The following KIF2A variants were observed in gnomAD, a reference collection of about 807,000 sequenced individuals.
The protein encoded by KIF2A is kinesin-like protein KIF2A.
A neutral mutation model predicts 100.2 loss-of-function variants in KIF2A; 22 were observed. The ratio of observed to expected loss-of-function variants is 0.22; its 90% CI spans 0.16 to 0.31. KIF2A has a LOEUF of 0.31. Among genes scored for constraint, KIF2A ranks in the 10% least tolerant of loss-of-function variants. KIF2A has a pLI of 1.00. For synonymous variants in KIF2A, 268 were observed against 285.9 expected (o/e 0.94, Z 0.63); for missense variants, 495 against 898.7 (o/e 0.55, Z 5.74).
intron 1 of KIF2A, among the ~76,000 whole-genome samples, chr5:62,316,047 A>G (rs1745804934): frequency 6.6e-6 from 1 of 152,206 alleles, no homozygotes; most frequent in Non-Finnish European, 1.5e-5. Flanking sequence ...CTGTTCAAGA[A>G]TACAGTGTAG....
intron 11 of KIF2A, among the ~76,000 whole-genome samples, chr5:62,362,031 CAA>C (rs1029470528): frequency 2.2e-4 from 26 of 120,800 alleles, no homozygotes; most frequent in Middle Eastern, 5.1e-3. Context: ...GACCCCATCT[CAA>C]AAAAAAAAAA....
intron 20 of KIF2A, among the ~76,000 whole-genome samples, chr5:62,383,162 C>G (rs1330375326): frequency 6.7e-6 from 1 of 150,346 alleles, no homozygotes; most frequent in Non-Finnish European, 1.5e-5. Flanking sequence ...CCTGACCTCA[C>G]GTGATGCACC....
chr5:62,310,738 T>C (rs966837430), intron 1 of KIF2A, among the ~76,000 whole-genome samples: 1 of 152,260 alleles, frequency 6.6e-6, no homozygotes, highest in Non-Finnish European at 1.5e-5. Context: ...GATAACCTGG[T>C]ATGAAATTGG....
intron 1 of KIF2A, among the ~76,000 whole-genome samples, chr5:62,337,895 A>G (rs1341691247): frequency 2.0e-5 from 3 of 152,126 alleles, no homozygotes; most frequent in African/African-American, 7.2e-5. Flanking sequence ...AATCCAGAAC[A>G]AAACAGACAA....
chr5:62,337,351 G>A (rs948063871), intron 1 of KIF2A, among the ~76,000 whole-genome samples: 18 of 152,024 alleles, frequency 1.2e-4, no homozygotes, highest in African/African-American at 4.3e-4. Context: ...AATTAGCAAG[G>A]TGTGGTGGCG....
At chr5:62,326,129 T>TA (rs369094625) in intron 1 of KIF2A, among the ~76,000 whole-genome samples, 3,571 of 151,132 alleles carry the variant, frequency 0.024, 142 homozygotes, top group African/African-American at 0.082. Context: ...AAATAAAAGT[T>TA]AAAAAAAAAT....
At chr5:62,344,674 A>G (rs1747466195) in intron 1 of KIF2A, among the ~76,000 whole-genome samples, 1 of 152,206 alleles carries the variant, frequency 6.6e-6, no homozygotes, top group Non-Finnish European at 1.5e-5. Flanking sequence ...TCAGATATTC[A>G]GTGCAGCATC....
chr5:62,383,573 A>C (rs1421910676), intron 20 of KIF2A, among the ~76,000 whole-genome samples: 2 of 152,162 alleles, frequency 1.3e-5, no homozygotes, highest in Non-Finnish European at 2.9e-5. Context: ...TGAGATGTTC[A>C]ACACATATAT....
At chr5:62,342,928 T>G (rs1747370609) in intron 1 of KIF2A, among the ~76,000 whole-genome samples, 1 of 151,892 alleles carries the variant, frequency 6.6e-6, no homozygotes, top group Non-Finnish European at 1.5e-5. Flanking sequence ...AATTTTGTAT[T>G]TTTAGTAGAG....
Position 62,348,187 on chromosome 5 carries a change from A to G in KIF2A, c.279+20A>G. ...GTAAAGGTTAGTGATGAAAATTCAG[A>G]GTGCAGGACACTGGGAGAGAGCGGG... is the stretch of plus-strand genomic sequence containing the variant. On this transcript the variant is annotated intron_variant, in intron 3 of 20. Transcript: ENST00000407818. The G allele has an allele frequency of 6.2e-7, 1 of 1,612,794 alleles. No individual in the cohort carries two copies. Among genetic ancestry groups the G allele is most frequent in the Non-Finnish European group, 8.5e-7 (1 of 1,179,166 alleles).
At chr5:62,329,626 G>T (rs528699574) in intron 1 of KIF2A, among the ~76,000 whole-genome samples, 1 of 152,332 alleles carries the variant, frequency 6.6e-6, no homozygotes, top group African/African-American at 2.4e-5. Context: ...GACTGTTAGT[G>T]TAGTTAACAT....
At position 62,389,428 on chromosome 5, in the gene KIF2A, G is replaced by A. The variant is rs574808038; in HGVS notation, c.*3859G>A. Among the ~76,000 whole-genome samples, 1 of 139,902 alleles carries A rather than the reference G, an allele frequency of 7.1e-6. No individual in the cohort carries two copies. Among genetic ancestry groups the A allele is most frequent in the East Asian group, 2.3e-4 (1 of 4,372 alleles). The allele number at this position is 139,902 out of a possible 152,430, so 91.8% of individuals were successfully genotyped here. A position where few individuals can be genotyped will look rare whatever the true frequency, so the allele number is the denominator to read the frequency against. On this transcript the variant is annotated 3_prime_UTR_variant, in exon 21 of 21. Transcript: ENST00000407818. ...CTGAACCCAGGAGGCGGAGGTTGCA[G>A]TGAGCTGAGATTGTGCCACTGGAGT...
chr5:62,343,410 G>A (rs1227557064), intron 1 of KIF2A, among the ~76,000 whole-genome samples: 6 of 152,134 alleles, frequency 3.9e-5, no homozygotes, highest in Non-Finnish European at 8.8e-5. Flanking sequence ...GAAGTGGGGG[G>A]AATGGAGGTG....
At chr5:62,332,005 T>C (rs2111848198) in intron 1 of KIF2A, among the ~76,000 whole-genome samples, 1 of 152,348 alleles carries the variant, frequency 6.6e-6, no homozygotes, top group South Asian at 2.1e-4. Context: ...GGCTCTTGTC[T>C]CCTCCATTTG....
At chr5:62,336,443 CTCTG>C (rs1484274103) in intron 1 of KIF2A, among the ~76,000 whole-genome samples, 1 of 152,124 alleles carries the variant, frequency 6.6e-6, no homozygotes, top group African/African-American at 2.4e-5. Flanking sequence ...ATTATTGTGA[CTCTG>C]TCTGTTCTGA....
intron 16 of KIF2A, among the ~76,000 whole-genome samples, chr5:62,370,336 C>G (rs1194286750): frequency 6.6e-6 from 1 of 152,066 alleles, no homozygotes; most frequent in Non-Finnish European, 1.5e-5. Context: ...CTATGTCACC[C>G]AGGCTGGAGT....
intron 11 of KIF2A, 81 bp downstream of exon 11, chr5:62,361,610 T>C: frequency 1.3e-6 from 1 of 794,778 alleles, no homozygotes; most frequent in Non-Finnish European, 2.2e-6. Flanking sequence ...CTTTAAAATA[T>C]TGTTCAGCAA....
At chr5:62,349,377 A>G (rs1320820403) in intron 3 of KIF2A, among the ~76,000 whole-genome samples, 3 of 151,944 alleles carry the variant, frequency 2.0e-5, no homozygotes, top group African/African-American at 4.8e-5. Context: ...CCACTCCCAG[A>G]GATTCAGTTT....
chr5:62,312,202 C>T (rs996922363), intron 1 of KIF2A, among the ~76,000 whole-genome samples: 6 of 152,186 alleles, frequency 3.9e-5, no homozygotes, highest in Admixed American at 1.3e-4. Flanking sequence ...TATTCATTGC[C>T]TAGCCACTTG....
Sources: allele counts gnomAD v4.1 joint callset (sites outside exome capture counted in the v4.1 genomes callset), GRCh38; gene constraint gnomAD v4.1.1; transcripts MANE v1.5; gene names NCBI Gene and HGNC (gene_info 2026-07-23, HGNC 2026-07-21).